The following SETD4 variants were observed in gnomAD, a reference collection of about 807,000 sequenced individuals.
SETD4 encodes the protein SET domain containing 4.
In SETD4, 46 loss-of-function variants were observed where a neutral mutation model predicts 58.3. The ratio of observed to expected loss-of-function variants is 0.79; its 90% CI spans 0.62 to 1.01. The LOEUF is 1.01. Ranked by LOEUF, SETD4 falls within the 50% of genes least tolerant of loss-of-function variation. The pLI is 0.00. For synonymous variants in SETD4, 190 were observed against 202.6 expected (o/e 0.94, Z 0.53); for missense variants, 490 against 523.3 (o/e 0.94, Z 0.62).
intron 4 of SETD4, chr21:36,050,525 G>A (rs2064613385): frequency 1.9e-6 from 3 of 1,613,996 alleles, no homozygotes; most frequent in Non-Finnish European, 2.5e-6. Context: ...GCCAGTTAAT[G>A]AACCGACTTC....
intron 7 of SETD4, 182 bp from the exon 8 acceptor site, chr21:36,042,070 C>A: frequency 2.4e-6 from 1 of 408,408 alleles, no homozygotes; most frequent in Non-Finnish European, 4.3e-6. Context: ...GTACTGAGTC[C>A]CTGAAAGGCT....
At position 36,057,128 on chromosome 21, in the gene SETD4, T is replaced by G; in HGVS notation, c.150A>C (p.Leu50Phe). The change falls in exon 3 of 12, where the codon TTA (leucine) becomes TTC (phenylalanine). Residue 50 changes from leucine to phenylalanine, a missense_variant. Transcript: ENST00000332131. ...LKARKFQDSN[L>F]APACFPGTGR... ...TCTTACCTGGAAAACAAGCAGGCGC[T>G]AAGTTTGAATCTTGAAACTTCCTAG... 1 of 1,614,120 alleles carries G rather than the reference T, an allele frequency of 6.2e-7. No homozygotes were observed. The highest frequency in any genetic ancestry group is 1.3e-5 in the African/African-American group (1 of 75,056).
At chr21:36,050,436 G>A in intron 4 of SETD4, 2 of 1,614,140 alleles carry the variant, frequency 1.2e-6, no homozygotes, top group Admixed American at 1.7e-5. Flanking sequence ...CCCACAAGTG[G>A]TGGTAGTCAG....
At chr21:36,037,380 G>A (rs1386125819) in intron 10 of SETD4, among the ~76,000 whole-genome samples, 5 of 151,984 alleles carry the variant, frequency 3.3e-5, no homozygotes, top group South Asian at 2.1e-4. Context: ...TGAGGTGGGC[G>A]GATCACCTGA....
intron 5 of SETD4, among the ~76,000 whole-genome samples, chr21:36,046,402 A>G (rs1228816581): frequency 6.6e-6 from 1 of 152,268 alleles, no homozygotes; most frequent in African/African-American, 2.4e-5. Context: ...AATGGTGGAA[A>G]GAACTGAGAC....
intron 5 of SETD4, 95 bp downstream of exon 5, chr21:36,048,213 G>T (rs2064448082): frequency 1.0e-6 from 1 of 999,872 alleles, no homozygotes; most frequent in Non-Finnish European, 1.6e-6. Context: ...CAAGGGACTG[G>T]GTTCTAATGA....
At chr21:36,051,662 T>A (rs111773726) in intron 4 of SETD4, among the ~76,000 whole-genome samples, 1 of 152,324 alleles carries the variant, frequency 6.6e-6, no homozygotes, top group Non-Finnish European at 1.5e-5. Flanking sequence ...TCATAGACCA[T>A]GAGGAACAAA....
Position 36,043,925 on chromosome 21 carries a change from G to A in SETD4, c.758C>T (p.Ser253Phe). 6.2e-7 allele frequency: 1 copy of A among 1,614,170 alleles called. No homozygotes were observed. Among genetic ancestry groups the A allele is most frequent in the Non-Finnish European group, 8.5e-7 (1 of 1,180,028 alleles). Residue 253 changes from serine to phenylalanine, a missense_variant, in exon 7 of 12, where the codon TCT (serine) becomes TTT (phenylalanine). Coordinates refer to ENST00000332131, the MANE Select transcript of SETD4 (RefSeq NM_017438.5). ...ACGTGAAGTCGTTCTAATTTCGTAA[G>A]AATGAGTTTCTTCATTAAACGCTGC... ...VKAAFNEETHSYEIRTTSRWR... is the reference protein window; with the variant it reads ...VKAAFNEETHFYEIRTTSRWR...
At position 36,057,517 on chromosome 21, in the gene SETD4, C is replaced by T. The variant is rs2065047640; in HGVS notation, c.74-313G>A. 9 of 575,414 alleles carry T rather than the reference C, an allele frequency of 1.6e-5. No individual in the cohort carries two copies. The South Asian group carries it at 2.2e-4, about 14-fold the overall frequency. 35.6% of individuals were successfully genotyped at this position (575,414 alleles called of 1,614,324 possible). ...AAATACAATATTATAATCTGAGGAC[C>T]ACCACTGTACATGTGATCCATCAAC... is the stretch of plus-strand genomic sequence containing the variant. On this transcript the variant is annotated intron_variant, in intron 2 of 11. Coordinates refer to ENST00000332131, the MANE Select transcript of SETD4 (RefSeq NM_017438.5).
chr21:36,050,970 G>T, intron 4 of SETD4: 1 of 1,608,148 alleles, frequency 6.2e-7, no homozygotes. Context: ...AGCTATCCAG[G>T]TGTCTAATAT....
At chr21:36,041,506 C>A (rs16993819) in intron 8 of SETD4, among the ~76,000 whole-genome samples, 1,853 of 152,322 alleles carry the variant, frequency 0.012, 37 homozygotes, top group African/African-American at 0.043. Context: ...CACATGACCA[C>A]AAGGGAGACA....
chr21:36,040,415 C>T (rs2063990901), intron 9 of SETD4, among the ~76,000 whole-genome samples, 160 bp downstream of exon 9: 1 of 152,240 alleles, frequency 6.6e-6, no homozygotes, highest in African/African-American at 2.4e-5. Flanking sequence ...ACATTCGCTA[C>T]ATGGGCAAGT....
chr21:36,058,501 T>C (rs2065099804), intron 2 of SETD4, among the ~76,000 whole-genome samples: 1 of 109,062 alleles, frequency 9.2e-6, no homozygotes, highest in Admixed American at 9.7e-5. Flanking sequence ...ATGTACCTTG[T>C]CTCCAAAAAA....
At chr21:36,051,436 A>G (rs2064680962) in intron 4 of SETD4, 2 of 1,426,572 alleles carry the variant, frequency 1.4e-6, no homozygotes, top group Non-Finnish European at 1.8e-6. Context: ...TTTCTTTTCT[A>G]TTTTTAAAAC....
At chr21:36,048,255 C>T in intron 5 of SETD4, 53 bp downstream of exon 5, 1 of 1,443,328 alleles carries the variant, frequency 6.9e-7, no homozygotes, top group Non-Finnish European at 9.8e-7. Context: ...TTGCCATTGA[C>T]AGACCTTAAG....
At chr21:36,040,449 A>G (rs2063992200) in intron 9 of SETD4, 126 bp downstream of exon 9, 2 of 732,882 alleles carry the variant, frequency 2.7e-6, no homozygotes, top group Admixed American at 4.2e-5. Flanking sequence ...AGCAACTCCA[A>G]TGTATGACAT....
At chr21:36,036,282 T>C in intron 10 of SETD4, 31 bp from the exon 11 acceptor site, 1 of 1,523,818 alleles carries the variant, frequency 6.6e-7, no homozygotes, top group South Asian at 1.3e-5. Flanking sequence ...ATTGTTATTG[T>C]AGTAAAACAT....
chr21:36,051,159 C>A (rs904083228), intron 4 of SETD4: 4 of 1,566,916 alleles, frequency 2.6e-6, no homozygotes, highest in South Asian at 1.1e-5. Flanking sequence ...GCTCACCCAG[C>A]GTATGTCCCT....
chr21:36,038,680 C>A (rs2063897995), intron 9 of SETD4, among the ~76,000 whole-genome samples: 1 of 152,164 alleles, frequency 6.6e-6, no homozygotes, highest in South Asian at 2.1e-4. Flanking sequence ...CTTCAAGTGA[C>A]CGTCTGTCCA....
Sources: gnomAD v4.1 joint callset for allele counts (sites outside exome capture counted in the v4.1 genomes callset) on GRCh38, gnomAD v4.1.1 for gene constraint, MANE v1.5 for transcripts, NCBI Gene and HGNC (gene_info 2026-07-23, HGNC 2026-07-21) for gene names.